The following SMC1A variants were observed in gnomAD, a reference collection of about 807,000 sequenced individuals.
The protein encoded by SMC1A is structural maintenance of chromosomes 1A.
In SMC1A, 4 loss-of-function variants were observed where a neutral mutation model predicts 94.5. That is an observed-to-expected ratio of 0.04 (90% CI 0.02 to 0.10). The LOEUF is 0.10. Ranked by LOEUF, SMC1A falls within the 10% of genes least tolerant of loss-of-function variation. SMC1A has a pLI of 1.00. For missense variants in SMC1A, 304 were observed against 989.0 expected (o/e 0.31, Z 9.29); for synonymous variants, 345 against 347.7 (o/e 0.99, Z 0.09).
intron 1 of SMC1A, among the ~76,000 whole-genome samples, chrX:53,420,181 C>T (rs1025104593): frequency 8.9e-6 from 1 of 112,087 alleles, no homozygotes; most frequent in Non-Finnish European, 1.9e-5. Context: ...ATGTATAAAA[C>T]GAAGCTATTG....
rs1556889234 is a variant in SMC1A at position 53,403,642 on chromosome X, G to A, written c.2344C>T (p.Arg782Trp). The change falls in exon 15 of 25, where the codon CGG (arginine) becomes TGG (tryptophan). Residue 782 changes from arginine (R) to tryptophan (W), a missense_variant. Arg to Trp is a moderately radical substitution (Grantham distance 101, BLOSUM62 -3). Transcript: ENST00000322213. ...VEDEVFEEFC[R>W]EIGVRNIREF... Reference sequence around the variant, plus strand: ...CGGATGTTGCGCACACCAATCTCCCGACAAAACTCTTCAAACACCTCATCC... The same window carrying A: ...CGGATGTTGCGCACACCAATCTCCCAACAAAACTCTTCAAACACCTCATCC... 1 of 1,207,833 alleles carries A rather than the reference G, an allele frequency of 8.3e-7. No homozygotes were observed. Among genetic ancestry groups the A allele is most frequent in the Non-Finnish European group, 1.1e-6 (1 of 893,512 alleles).
chrX:53,410,080 A>G (rs1308695349), intron 7 of SMC1A, among the ~76,000 whole-genome samples: 1 of 111,711 alleles, frequency 9.0e-6, no homozygotes, highest in Non-Finnish European at 1.9e-5. Flanking sequence ...GGACACTATG[A>G]CAACTTTCTA....
intron 9 of SMC1A, among the ~76,000 whole-genome samples, chrX:53,408,840 T>TAAAAAAAAAAAAAAAAAAAAAAA: frequency 1.5e-5 from 1 of 67,062 alleles, no homozygotes; most frequent in Non-Finnish European, 2.8e-5. Flanking sequence ...GGTTGAAAAA[T>TAAAAAAAAAAAAAAAAAAAAAAA]AAAAAAAAAA....
At chrX:53,393,292 C>T (rs2075636665) in intron 19 of SMC1A, among the ~76,000 whole-genome samples, 1 of 110,124 alleles carries the variant, frequency 9.1e-6, no homozygotes, top group Non-Finnish European at 1.9e-5. Context: ...ATAGTACCAA[C>T]GACCCAGTTC....
At position 53,380,627 on chromosome X, in the gene SMC1A, T is replaced by A. The variant is rs781998306; in HGVS notation, c.3611A>T (p.Tyr1204Phe). 2 of 1,182,841 alleles carry A rather than the reference T, an allele frequency of 1.7e-6. No individual in the cohort carries two copies. Among genetic ancestry groups the A allele is most frequent in the Admixed American group, 4.3e-5 (2 of 45,982 alleles). Residue 1204 changes from tyrosine to phenylalanine, a missense_variant, in exon 24 of 25, where the codon TAT (tyrosine) becomes TTT (phenylalanine). Physicochemically the swap from Tyr to Phe is conservative, Grantham distance 22. Transcript: ENST00000322213. ...GAGCCAGGCCCGCCCTACCTCAGGA[T>A]AGACTCCAATGAGGCTCTCGGCCTT... Reference protein sequence around the residue: ...YTKAESLIGVYPEQGDCVISK... With the variant: ...YTKAESLIGVFPEQGDCVISK...
chrX:53,388,188 C>G (rs2075612888), intron 19 of SMC1A, among the ~76,000 whole-genome samples: 1 of 111,280 alleles, frequency 9.0e-6, no homozygotes, highest in East Asian at 2.8e-4. Flanking sequence ...ACACCACCAG[C>G]TGTGAAGGAG....
At chrX:53,381,899 G>C (rs1219847757) in intron 22 of SMC1A, 1 of 332,016 alleles carries the variant, frequency 3.0e-6, no homozygotes, top group Non-Finnish European at 5.4e-6. Flanking sequence ...AAGGGGAGGA[G>C]AATGAGGAAG....
Position 53,405,609 on chromosome X carries a change from G to A in SMC1A, c.1795C>T (p.Arg599Cys). 8.3e-7 allele frequency: 1 copy of A among 1,211,418 alleles called. No individual in the cohort carries two copies. Among genetic ancestry groups the A allele is most frequent in the Non-Finnish European group, 1.1e-6 (1 of 895,112 alleles). ...TTTTTGATATGAGGTGGCTCATAGC[G>A]AATCACATCAATCACTAGCTTGGCC... The part of the protein sequence containing the change: ...KGAKLVIDVI[R>C]YEPPHIKKAL... The change falls in exon 11 of 25, where the codon CGC (arginine) becomes TGC (cysteine). Residue 599 changes from arginine to cysteine, a missense_variant. By Grantham distance (180) the Arg-to-Cys change is radical. Coordinates refer to ENST00000322213, the MANE Select transcript of SMC1A (RefSeq NM_006306.4).
At chrX:53,401,507 C>A (rs782727071) in intron 15 of SMC1A, among the ~76,000 whole-genome samples, 7 of 111,718 alleles carry the variant, frequency 6.3e-5, no homozygotes, top group African/African-American at 2.3e-4. Context: ...TCCATTACTG[C>A]CCACAAATCT....
intron 15 of SMC1A, among the ~76,000 whole-genome samples, chrX:53,403,127 T>C (rs1299973738): frequency 2.4e-5 from 2 of 83,028 alleles, no homozygotes; most frequent in Non-Finnish European, 2.1e-5. Context: ...AAGGTCAAGA[T>C]TGACACTGCA....
At chrX:53,390,718 C>T (rs782679514) in intron 19 of SMC1A, among the ~76,000 whole-genome samples, 2 of 108,852 alleles carry the variant, frequency 1.8e-5, no homozygotes, top group African/African-American at 6.7e-5. Flanking sequence ...GGGGGCCAGG[C>T]GCGGTGGCTC....
intron 7 of SMC1A, among the ~76,000 whole-genome samples, chrX:53,410,823 T>G (rs782106747): frequency 1.0e-5 from 1 of 98,007 alleles, no homozygotes; most frequent in Non-Finnish European, 2.0e-5. Context: ...AAAATAAAAA[T>G]AAAAAAATAA....
chrX:53,415,402 C>T (rs1480528665), intron 1 of SMC1A, among the ~76,000 whole-genome samples: 1 of 111,056 alleles, frequency 9.0e-6, no homozygotes, highest in East Asian at 2.8e-4. Context: ...GAAGCTAGAA[C>T]CCAGGATAAG....
Position 53,374,931 on chromosome X carries a change from T to G in SMC1A, c.*5172A>C. The G allele has an allele frequency of 8.9e-6, 1 of 112,928 alleles. No individual in the cohort carries two copies. Among genetic ancestry groups the G allele is most frequent in the Non-Finnish European group, 1.9e-5 (1 of 53,365 alleles). The allele number at this position is 112,928 out of a possible 1,213,427, so 9.3% of individuals were successfully genotyped here. ...ATTCTGCCTCCCTGAAAGATCTGGT[T>G]GTTTCATACATTTGCCATTTGATAC... On this transcript the variant is annotated 3_prime_UTR_variant, in exon 25 of 25. Transcript: ENST00000322213.
At chrX:53,394,730 C>CGG in intron 19 of SMC1A, 48 bp downstream of exon 19, 1 of 511,582 alleles carries the variant, frequency 2.0e-6, no homozygotes. Flanking sequence ...GATAGTCCCA[C>CGG]TCCCACCCAA....
At chrX:53,391,558 T>C (rs2075629672) in intron 19 of SMC1A, among the ~76,000 whole-genome samples, 1 of 111,028 alleles carries the variant, frequency 9.0e-6, no homozygotes, top group African/African-American at 3.3e-5. Context: ...AGACAGGTTC[T>C]CCCTGTCACC....
At chrX:53,394,064 G>A (rs1388158830) in intron 19 of SMC1A, among the ~76,000 whole-genome samples, 1 of 104,615 alleles carries the variant, frequency 9.6e-6, no homozygotes, top group African/African-American at 3.5e-5. Context: ...CAGGAGAATC[G>A]CTTGAACCTG....
At chrX:53,380,566 C>T in intron 24 of SMC1A, 54 bp downstream of exon 24, 1 of 822,886 alleles carries the variant, frequency 1.2e-6, no homozygotes, top group Non-Finnish European at 1.8e-6. Context: ...TCCTTTCCTG[C>T]CCTGGGAAAT....
chrX:53,422,350 G>T, intron 1 of SMC1A, 142 bp downstream of exon 1: 1 of 501,382 alleles, frequency 2.0e-6, no homozygotes, highest in Non-Finnish European at 3.5e-6. Flanking sequence ...GAGTGGGTTC[G>T]AGCAGAACCC....
Sources: allele counts gnomAD v4.1 joint callset (sites outside exome capture counted in the v4.1 genomes callset), GRCh38; gene constraint gnomAD v4.1.1; transcripts MANE v1.5; gene names NCBI Gene and HGNC (gene_info 2026-07-23, HGNC 2026-07-21).